SPAG16: variants seen among roughly 807,000 people sequenced by gnomAD.
SPAG16 encodes sperm associated antigen 16.
SPAG16 carries 86 observed loss-of-function variants against 80.4 expected under a neutral mutation model. The ratio of observed to expected loss-of-function variants is 1.07; its 90% CI spans 0.90 to 1.28. The LOEUF (loss-of-function observed/expected upper bound fraction) is 1.28. Among genes scored for constraint, SPAG16 ranks in the 50% most tolerant of loss-of-function variants. The pLI, the probability that SPAG16 is intolerant of heterozygous loss-of-function variation, is 0.00. For synonymous variants in SPAG16, 294 were observed against 265.9 expected, an observed-to-expected ratio of 1.11 and a Z score of -1.03; for missense variants, 870 against 765.3, an observed-to-expected ratio of 1.14 and a Z score of -1.61.
At chr2:213,606,290 C>T (rs1489627576) in intron 10 of SPAG16, among the ~76,000 whole-genome samples, 2 of 152,158 alleles carry the variant, frequency 1.3e-5, no homozygotes, top group Non-Finnish European at 2.9e-5. Context: ...TGGATGTATG[C>T]TCAACAAAGT....
chr2:213,493,353 C>T (rs540632572), intron 10 of SPAG16, among the ~76,000 whole-genome samples: 1 of 152,238 alleles, frequency 6.6e-6, no homozygotes, highest in East Asian at 1.9e-4. Flanking sequence ...AAAATAAATG[C>T]ATATTAAAAT....
At chr2:213,566,262 A>C (rs2059760074) in intron 10 of SPAG16, among the ~76,000 whole-genome samples, 1 of 152,198 alleles carries the variant, frequency 6.6e-6, no homozygotes, top group Non-Finnish European at 1.5e-5. Context: ...AGGAGTAAAA[A>C]TTGAGGGAAG....
At chr2:214,195,714 C>A (rs2057816834) in intron 15 of SPAG16, among the ~76,000 whole-genome samples, 1 of 151,922 alleles carries the variant, frequency 6.6e-6, no homozygotes, top group South Asian at 2.1e-4. Flanking sequence ...AAAACAGAAT[C>A]AGGAGGGAAA....
At chr2:213,730,948 G>C (rs1022214816) in intron 10 of SPAG16, among the ~76,000 whole-genome samples, 1 of 152,072 alleles carries the variant, frequency 6.6e-6, no homozygotes, top group Admixed American at 6.6e-5. Flanking sequence ...ACTGTGCCAA[G>C]ACTACTAATG....
intron 10 of SPAG16, among the ~76,000 whole-genome samples, chr2:213,690,777 A>G (rs1307495987): frequency 2.0e-5 from 3 of 152,156 alleles, no homozygotes; most frequent in African/African-American, 4.8e-5. Context: ...TATTAACTCC[A>G]GGTTCTTCAG....
intron 10 of SPAG16, among the ~76,000 whole-genome samples, chr2:213,817,508 C>T (rs558739827): frequency 6.6e-6 from 1 of 151,858 alleles, no homozygotes; most frequent in Non-Finnish European, 1.5e-5. Flanking sequence ...ATAAACTGTT[C>T]TACCCAAAAG....
intron 1 of SPAG16, among the ~76,000 whole-genome samples, chr2:213,294,050 GT>G (rs2062403134): frequency 6.6e-6 from 1 of 152,092 alleles, no homozygotes; most frequent in Admixed American, 6.6e-5. Flanking sequence ...ATAACTGAAT[GT>G]TTGTGCAACG....
At chr2:214,298,094 G>A (rs377289667) in intron 15 of SPAG16, among the ~76,000 whole-genome samples, 343 of 111,348 alleles carry the variant, frequency 3.1e-3, no homozygotes, top group Middle Eastern at 5.3e-3. Context: ...ATATATATAT[G>A]TATGCATATA....
chr2:213,353,580 T>C (rs190446757), intron 7 of SPAG16, among the ~76,000 whole-genome samples: 40 of 152,250 alleles, frequency 2.6e-4, no homozygotes, highest in Admixed American at 1.5e-3. Context: ...ATCCCTAGAG[T>C]ATCTGGCTTT....
chr2:213,675,880 G>C (rs1211777240), intron 10 of SPAG16, among the ~76,000 whole-genome samples: 1 of 151,542 alleles, frequency 6.6e-6, no homozygotes, highest in African/African-American at 2.4e-5. Context: ...CTCTTTTTTG[G>C]TTCCATATGA....
chr2:213,633,905 T>C (rs2062256010), intron 10 of SPAG16, among the ~76,000 whole-genome samples: 1 of 152,146 alleles, frequency 6.6e-6, no homozygotes, highest in Non-Finnish European at 1.5e-5. Context: ...ATTTTCAGTT[T>C]ATGTGTGTCT....
chr2:214,353,279 A>G (rs780542016), intron 15 of SPAG16, among the ~76,000 whole-genome samples: 27 of 151,306 alleles, frequency 1.8e-4, no homozygotes, highest in Non-Finnish European at 3.8e-4. Flanking sequence ...CTAAATATAT[A>G]TAAAATTACT....
intron 15 of SPAG16, among the ~76,000 whole-genome samples, chr2:214,351,984 G>A (rs1212740590): frequency 2.6e-5 from 4 of 152,130 alleles, no homozygotes; most frequent in Non-Finnish European, 4.4e-5. Flanking sequence ...AGATCAAAAT[G>A]CCAACAGATT....
At chr2:213,551,125 G>A (rs2076767196) in intron 10 of SPAG16, among the ~76,000 whole-genome samples, 1 of 152,034 alleles carries the variant, frequency 6.6e-6, no homozygotes, top group South Asian at 2.1e-4. Flanking sequence ...TTCTATTGCA[G>A]ACAGTTTTCT....
At chr2:213,516,265 A>T (rs2075419118) in intron 10 of SPAG16, among the ~76,000 whole-genome samples, 1 of 152,176 alleles carries the variant, frequency 6.6e-6, no homozygotes, top group Non-Finnish European at 1.5e-5. Context: ...CTTTGTGTGT[A>T]TTTAAGTAAT....
At chr2:213,863,562 C>T (rs1236138909) in intron 11 of SPAG16, among the ~76,000 whole-genome samples, 1 of 151,820 alleles carries the variant, frequency 6.6e-6, no homozygotes, top group Non-Finnish European at 1.5e-5. Context: ...ATCTTTAGTA[C>T]TAGATGTTTG....
At chr2:214,321,261 AT>A (rs1381435224) in intron 15 of SPAG16, among the ~76,000 whole-genome samples, 1 of 152,242 alleles carries the variant, frequency 6.6e-6, no homozygotes, top group African/African-American at 2.4e-5. Context: ...AGAAGGAAAA[AT>A]ATCTTCATAT....
chr2:214,316,229 C>T (rs377560541), intron 15 of SPAG16, among the ~76,000 whole-genome samples: 43 of 151,588 alleles, frequency 2.8e-4, no homozygotes, highest in African/African-American at 1.0e-3. Context: ...GCCTATTGTG[C>T]AGAGTTGCAA....
chr2:214,314,062 T>C (rs1695514102), intron 15 of SPAG16, among the ~76,000 whole-genome samples: 1 of 152,190 alleles, frequency 6.6e-6, no homozygotes, highest in Non-Finnish European at 1.5e-5. Context: ...TTTGTATTTA[T>C]TTCCAATTTT....
Sources: gnomAD v4.1 joint callset for allele counts (sites outside exome capture counted in the v4.1 genomes callset) on GRCh38, gnomAD v4.1.1 for gene constraint, MANE v1.5 for transcripts, NCBI Gene and HGNC (gene_info 2026-07-23, HGNC 2026-07-21) for gene names.